Variants in NEK11 observed in about 807,000 individuals in gnomAD.
The protein encoded by NEK11 is serine/threonine-protein kinase Nek11.
A neutral mutation model predicts 80.7 loss-of-function variants in NEK11; 72 were observed. That is an observed-to-expected ratio of 0.89 (90% CI 0.74 to 1.08). The LOEUF is 1.08. Ranked by LOEUF, NEK11 falls within the 50% of genes least tolerant of loss-of-function variation. The probability of loss-of-function intolerance (pLI) is 0.00; values close to 1 mark genes in which losing one functional copy is unlikely to be tolerated. For synonymous variants in NEK11, 251 were observed against 260.7 expected (o/e 0.96, Z 0.36); for missense variants, 764 against 763.6 (o/e 1.00, Z -0.01).
At chr3:131,280,862 C>T (rs1271878290) in intron 17 of NEK11, among the ~76,000 whole-genome samples, 1 of 152,204 alleles carries the variant, frequency 6.6e-6, no homozygotes, top group East Asian at 1.9e-4. Flanking sequence ...ATTTAGGCTA[C>T]AGCTGGTTAT....
intron 3 of NEK11, among the ~76,000 whole-genome samples, chr3:131,075,504 C>T (rs980048286): frequency 4.6e-5 from 7 of 152,002 alleles, no homozygotes; most frequent in African/African-American, 1.7e-4. Flanking sequence ...ATAAATATTA[C>T]TCTCTGCCAT....
intron 10 of NEK11, among the ~76,000 whole-genome samples, chr3:131,161,052 G>A (rs566144220): frequency 1.4e-4 from 21 of 151,374 alleles, no homozygotes; most frequent in African/African-American, 4.4e-4. Flanking sequence ...GCGTGGTAGC[G>A]TGTGCCTGTA....
chr3:131,140,172 A>T (rs1047432482), intron 7 of NEK11, among the ~76,000 whole-genome samples: 1 of 152,158 alleles, frequency 6.6e-6, no homozygotes, highest in African/African-American at 2.4e-5. Context: ...GGCAAAATTG[A>T]TGCTATGTGA....
intron 17 of NEK11, among the ~76,000 whole-genome samples, chr3:131,285,070 T>G (rs989969034): frequency 7.2e-5 from 11 of 152,214 alleles, no homozygotes; most frequent in Non-Finnish European, 1.3e-4. Context: ...ACACTTGACT[T>G]TTTTGAAAAT....
At chr3:131,333,403 A>G (rs2097128076) in intron 17 of NEK11, among the ~76,000 whole-genome samples, 1 of 152,208 alleles carries the variant, frequency 6.6e-6, no homozygotes, top group African/African-American at 2.4e-5. Flanking sequence ...AATACTTTAC[A>G]GACAAGCAAA....
intron 14 of NEK11, among the ~76,000 whole-genome samples, chr3:131,210,276 T>A (rs2150509465): frequency 6.6e-6 from 1 of 152,326 alleles, no homozygotes; most frequent in South Asian, 2.1e-4. Context: ...CATGTAGTTG[T>A]GTGGTTTTGA....
intron 17 of NEK11, among the ~76,000 whole-genome samples, chr3:131,275,243 A>G (rs2096274282): frequency 6.6e-6 from 1 of 152,038 alleles, no homozygotes; most frequent in African/African-American, 2.4e-5. Context: ...GGTGTTGCTA[A>G]TTTCCCAGTT....
intron 16 of NEK11, among the ~76,000 whole-genome samples, chr3:131,245,848 G>T (rs891968072): frequency 6.6e-6 from 1 of 151,692 alleles, no homozygotes; most frequent in African/African-American, 2.4e-5. Flanking sequence ...TTTTGGTGAT[G>T]GTTGTTTGAG....
At chr3:131,328,401 A>G (rs1445169941) in intron 17 of NEK11, 1 of 152,228 alleles carries the variant, frequency 6.6e-6, no homozygotes, top group Non-Finnish European at 1.5e-5. Context: ...TGCCAGGACT[A>G]TGCAGGGTAC....
intron 3 of NEK11, among the ~76,000 whole-genome samples, chr3:131,055,883 A>G (rs767097150): frequency 1.3e-5 from 2 of 152,258 alleles, no homozygotes; most frequent in Non-Finnish European, 2.9e-5. Context: ...ATGAAAGATC[A>G]TTGGAAGAGA....
At chr3:131,165,652 A>G (rs537891333) in intron 12 of NEK11, 133 bp downstream of exon 12, 1 of 623,970 alleles carries the variant, frequency 1.6e-6, no homozygotes, top group East Asian at 2.8e-5. Flanking sequence ...TCCAGGAAGG[A>G]TTCTAGAATG....
intron 17 of NEK11, among the ~76,000 whole-genome samples, chr3:131,290,747 C>T (rs6439280): frequency 0.17 from 26,358 of 152,088 alleles, 4,115 homozygotes; most frequent in African/African-American, 0.41. Context: ...AGATAACTGC[C>T]TACTGGAAAA....
Position 131,170,879 on chromosome 3 carries a change from GA to G in NEK11, c.1392del (p.Tyr465ThrfsTer33). The G allele has an allele frequency of 1.2e-6, 2 of 1,609,678 alleles. No homozygotes were observed. The highest frequency in any genetic ancestry group is 1.7e-6 in the Non-Finnish European group (2 of 1,175,976). On this transcript the variant is annotated frameshift_variant, in exon 14 of 18. Transcript: ENST00000383366. LOFTEE classifies it high-confidence loss of function. Reference sequence around the variant, plus strand: ...GTAGAGGATGCCACATCTGACCTTGGATACCATGGTATGTGTTTGCATTGAT... The same window carrying G: ...GTAGAGGATGCCACATCTGACCTTGGTACCATGGTATGTGTTTGCATTGAT... ...SIVEDATSDL[G>X]YHEIPEDPLV...
chr3:131,184,319 C>T (rs145974801), intron 14 of NEK11, among the ~76,000 whole-genome samples: 299 of 152,296 alleles, frequency 2.0e-3, no homozygotes, highest in African/African-American at 6.9e-3. Flanking sequence ...TGCAGAATCT[C>T]GGACTCACTT....
intron 17 of NEK11, among the ~76,000 whole-genome samples, chr3:131,301,210 AT>A (rs957046138): frequency 1.3e-5 from 2 of 152,194 alleles, no homozygotes; most frequent in African/African-American, 4.8e-5. Flanking sequence ...AATGCTACTG[AT>A]TTTTGTACAT....
At chr3:131,031,782 GA>G (rs2064886872) in intron 3 of NEK11, among the ~76,000 whole-genome samples, 1 of 152,030 alleles carries the variant, frequency 6.6e-6, no homozygotes, top group African/African-American at 2.4e-5. Flanking sequence ...CATGTTTGTG[GA>G]ATGAATCCAG....
intron 10 of NEK11, among the ~76,000 whole-genome samples, chr3:131,158,285 A>G (rs1222832288): frequency 6.6e-6 from 1 of 152,072 alleles, no homozygotes; most frequent in Non-Finnish European, 1.5e-5. Context: ...GCTCACAGCC[A>G]CCACCCTCCC....
At chr3:131,248,918 G>A (rs998506548) in intron 16 of NEK11, among the ~76,000 whole-genome samples, 1 of 151,880 alleles carries the variant, frequency 6.6e-6, no homozygotes, top group Non-Finnish European at 1.5e-5. Flanking sequence ...TTCTATAAAA[G>A]ATTGTGTCTG....
intron 14 of NEK11, among the ~76,000 whole-genome samples, chr3:131,193,953 A>C (rs923170893): frequency 3.3e-5 from 5 of 152,228 alleles, no homozygotes; most frequent in African/African-American, 1.2e-4. Flanking sequence ...TTACTTGTCA[A>C]CTTTTCAAAA....
Sources: allele counts gnomAD v4.1 joint callset (sites outside exome capture counted in the v4.1 genomes callset), GRCh38; gene constraint gnomAD v4.1.1; transcripts MANE v1.5; gene names NCBI Gene and HGNC (gene_info 2026-07-23, HGNC 2026-07-21).